Variants in CASZ1 observed in about 807,000 individuals in gnomAD.
CASZ1 encodes castor zinc finger 1.
A neutral mutation model predicts 135.2 loss-of-function variants in CASZ1; 28 were observed. That is an observed-to-expected ratio of 0.21 (90% CI 0.15 to 0.28). CASZ1 has a LOEUF of 0.28. Ranked by LOEUF, CASZ1 falls within the 10% of genes least tolerant of loss-of-function variation. The probability of loss-of-function intolerance (pLI) is 1.00; values close to 1 mark genes in which losing one functional copy is unlikely to be tolerated. For missense variants in CASZ1, 2,161 were observed against 2,453.3 expected, an observed-to-expected ratio of 0.88 and a Z score of 2.52; for synonymous variants, 1,068 against 1,073.4, an observed-to-expected ratio of 0.99 and a Z score of 0.10.
At chr1:10,787,416 A>G (rs1044326277) in intron 1 of CASZ1, among the ~76,000 whole-genome samples, 6 of 152,208 alleles carry the variant, frequency 3.9e-5, no homozygotes, top group African/African-American at 1.2e-4. Context: ...CTCCCCAAGG[A>G]TCAGATTTCC....
Position 10,741,598 on chromosome 1 carries a change from C to T in CASZ1, c.-77+19103G>A, listed in dbSNP as rs968605226. Reference sequence around the variant, plus strand: ...GTGCCAAACCCCTGGTTTTATTATCCGGGAGAAAAACAAACCCAACCACCG... The same window carrying T: ...GTGCCAAACCCCTGGTTTTATTATCTGGGAGAAAAACAAACCCAACCACCG... On this transcript the variant is annotated intron_variant, in intron 2 of 20. Transcript: ENST00000377022. This position sits in a 1 kb window ranked among gnomAD's most constrained non-coding sequence, Gnocchi z 5.0. 3.9e-5 allele frequency among the ~76,000 whole-genome samples: 6 copies of T among 151,956 alleles called. No individual in the cohort carries two copies. Among genetic ancestry groups the T allele is most frequent in the Admixed American group, 1.3e-4 (2 of 15,258 alleles).
rs1638855855 is a variant in CASZ1, at chr1:10,694,064, C to T, written c.-23-152G>A. Among the ~76,000 whole-genome samples the T allele has an allele frequency of 6.6e-6, 1 of 151,738 alleles. No homozygotes were observed. Among genetic ancestry groups the T allele is most frequent in the African/African-American group, 2.4e-5 (1 of 41,386 alleles). ...GAGGCCGCGGCGGAGAAACTTTCTC[C>T]TCCGCGCCGCCCGCTTCTCACGCTC... On this transcript the variant is annotated intron_variant, in intron 3 of 20. Transcript: ENST00000377022. The surrounding 1 kb of genome is among the most constrained non-coding windows in gnomAD (Gnocchi z 6.6).
chr1:10,712,376 GTAAAA>G (rs999351643), intron 2 of CASZ1, among the ~76,000 whole-genome samples: 12 of 151,960 alleles, frequency 7.9e-5, no homozygotes, highest in African/African-American at 2.7e-4. Flanking sequence ...ATAAAATAAA[GTAAAA>G]TAAAATAAAA....
intron 2 of CASZ1, among the ~76,000 whole-genome samples, chr1:10,743,970 C>T (rs1011375913): frequency 1.3e-5 from 2 of 152,050 alleles, no homozygotes; most frequent in Non-Finnish European, 2.9e-5. Context: ...CCTCAGGGGA[C>T]ACCCAACTAT....
chr1:10,794,036 C>G lies in CASZ1; in HGVS notation c.-234+2528G>C, dbSNP rs1485175195. 6.6e-6 allele frequency among the ~76,000 whole-genome samples: 1 copy of G among 152,168 alleles called. No individual in the cohort carries two copies. Among genetic ancestry groups the G allele is most frequent in the Non-Finnish European group, 1.5e-5 (1 of 68,012 alleles). ...CAGCGCCCCCTCCGGGCACGTGGAG[C>G]GCAGCCCCGGCTCAGCCCCCGGGGA... On this transcript the variant is annotated intron_variant, in intron 1 of 20. Transcript: ENST00000377022. This position sits in a 1 kb window ranked among gnomAD's most constrained non-coding sequence, Gnocchi z 5.6.
In CASZ1 at chr1:10,647,977, C is replaced by G. The variant is rs567007026; in HGVS notation, c.3321G>C (p.Pro1107=). The G allele has an allele frequency of 6.2e-7, 1 of 1,607,340 alleles. No homozygotes were observed. Among genetic ancestry groups the G allele is most frequent in the East Asian group, 2.2e-5 (1 of 44,750 alleles). The change falls in exon 16 of 21, where the codon CCG becomes CCC. Residue 1107 remains proline (P), a synonymous_variant. Transcript: ENST00000377022. This position sits in a 1 kb window ranked among gnomAD's most constrained non-coding sequence, Gnocchi z 4.9. ...GGGTGGGGGTGGAGGGCACGGAGGC[C>G]GGGCTGGGAGCGGGCCCCTCCAGAG... The part of the protein sequence containing the change: ...VSSLEGPAPS[P]ASVPSTPTLL...
chr1:10,732,678 TAA>T (rs920299764), intron 2 of CASZ1, among the ~76,000 whole-genome samples: 6 of 151,990 alleles, frequency 3.9e-5, no homozygotes, highest in African/African-American at 1.4e-4. Flanking sequence ...CTACAAGTAG[TAA>T]AAGAATCACC....
chr1:10,640,144 C>T, intron 20 of CASZ1, 85 bp from the exon 21 acceptor site: 6 of 1,517,702 alleles, frequency 4.0e-6, no homozygotes, highest in Non-Finnish European at 5.3e-6. Context: ...GACCCCTGAT[C>T]TGGCATGGCG....
intron 4 of CASZ1, among the ~76,000 whole-genome samples, chr1:10,686,858 G>A (rs1389173554): frequency 6.6e-6 from 1 of 152,152 alleles, no homozygotes; most frequent in Non-Finnish European, 1.5e-5. Context: ...TGACCACATT[G>A]CCCCACACCT....
chr1:10,694,422 C>A lies in CASZ1; in HGVS notation c.-23-510G>T. The A allele has an allele frequency of 1.7e-6, 1 of 594,220 alleles. No individual in the cohort carries two copies. Among genetic ancestry groups the A allele is most frequent in the Non-Finnish European group, 2.3e-6 (1 of 434,942 alleles). 36.8% of individuals were successfully genotyped at this position (594,220 alleles called of 1,614,324 possible). A position where few individuals can be genotyped will look rare whatever the true frequency, so the allele number is the denominator to read the frequency against. On this transcript the variant is annotated intron_variant, in intron 3 of 20. Transcript: ENST00000377022. This position sits in a 1 kb window ranked among gnomAD's most constrained non-coding sequence, Gnocchi z 6.6. ...GTTTTAAAGCCCTGATGTCATTGCTCCTGCCGGTAACACTCAGGGTAACAG... is the reference window on the plus strand; with the variant it reads ...GTTTTAAAGCCCTGATGTCATTGCTACTGCCGGTAACACTCAGGGTAACAG...
chr1:10,684,470 C>T (rs1403112811), intron 4 of CASZ1, among the ~76,000 whole-genome samples: 1 of 152,204 alleles, frequency 6.6e-6, no homozygotes, highest in Non-Finnish European at 1.5e-5. Flanking sequence ...GAGCCAGCTG[C>T]AAGTCCTCCT....
In CASZ1 at chr1:10,694,012, A is replaced by G. The variant is rs1339481187; in HGVS notation, c.-23-100T>C. On this transcript the variant is annotated intron_variant, in intron 3 of 20. Transcript: ENST00000377022. This position sits in a 1 kb window ranked among gnomAD's most constrained non-coding sequence, Gnocchi z 6.6. Reference sequence around the variant, plus strand: ...CCGCCCTGCTTGTCCCCCGCCCCGCAGGAGCGGCCCGTCCCGGGCGGGCGC... The same window carrying G: ...CCGCCCTGCTTGTCCCCCGCCCCGCGGGAGCGGCCCGTCCCGGGCGGGCGC... The G allele has an allele frequency of 4.2e-6, 5 of 1,180,630 alleles. No individual in the cohort carries two copies. The African/African-American group carries it at 6.5e-5, about 15-fold the overall frequency. 73.1% of individuals were successfully genotyped at this position (1,180,630 alleles called of 1,614,324 possible).
chr1:10,716,415 T>TGGATG (rs1396069161), intron 2 of CASZ1, among the ~76,000 whole-genome samples: 6 of 152,212 alleles, frequency 3.9e-5, no homozygotes, highest in Non-Finnish European at 7.3e-5. Context: ...CAGAGAGGCA[T>TGGATG]GGATGGGGAC....
Position 10,655,405 on chromosome 1 carries a change from T to C in CASZ1, c.1665+244A>G, listed in dbSNP as rs539169564. Among the ~76,000 whole-genome samples, 7 of 152,364 alleles carry C rather than the reference T, an allele frequency of 4.6e-5. No homozygotes were observed. In the South Asian group the frequency reaches 1.4e-3, roughly 32 times the overall value. The stretch of plus-strand genomic sequence containing the variant: ...TGTATAAACAGCTCACTGAATTTCA[T>C]CCACACCAAGTATGGCCATGGGGAA... On this transcript the variant is annotated intron_variant, in intron 9 of 20. Transcript: ENST00000377022.
chr1:10,793,452 AAAAC>A (rs1198519524), intron 1 of CASZ1, among the ~76,000 whole-genome samples: 1 of 152,202 alleles, frequency 6.6e-6, no homozygotes, highest in South Asian at 2.1e-4. Context: ...CAAAGTCTAA[AAAAC>A]AAACAAACAA....
rs1468923391 is a variant in CASZ1 at position 10,675,910 on chromosome 1, C to T, written c.17-10339G>A. Among the ~76,000 whole-genome samples the T allele has an allele frequency of 4.6e-5, 7 of 151,984 alleles. No homozygotes were observed. In the South Asian group the frequency reaches 6.2e-4, roughly 13 times the overall value. On this transcript the variant is annotated intron_variant, in intron 4 of 20. Transcript: ENST00000377022. ...AGGGAGCTGGCCTGGCAGGCCGGTCCGGGCCAGAGCTGCCTGGGATGGGCA... is the reference window on the plus strand; with the variant it reads ...AGGGAGCTGGCCTGGCAGGCCGGTCTGGGCCAGAGCTGCCTGGGATGGGCA...
intron 2 of CASZ1, among the ~76,000 whole-genome samples, chr1:10,743,640 T>C (rs1570548969): frequency 1.1e-5 from 1 of 89,686 alleles, no homozygotes; most frequent in African/African-American, 4.7e-5. Flanking sequence ...AGGGAGGGAG[T>C]AGGTCTTATG....
chr1:10,786,137 A>T (rs1640855574), intron 1 of CASZ1, among the ~76,000 whole-genome samples: 1 of 152,104 alleles, frequency 6.6e-6, no homozygotes, highest in Non-Finnish European at 1.5e-5. Flanking sequence ...GGCAGAGGCC[A>T]CTGGCGCCTT....
rs1234018955 is a variant in CASZ1 at position 10,727,164 on chromosome 1, A to AAGGGAGAGGTGGCCAGGGGT, written c.-76-21640_-76-21621dup. On this transcript the variant is annotated intron_variant, in intron 2 of 20. Transcript: ENST00000377022. The surrounding 1 kb of genome is among the most constrained non-coding windows in gnomAD (Gnocchi z 5.3). ...AACAGCCTGGAGAAGGAAGAGGGAA[A>AAGGGAGAGGTGGCCAGGGGT]AGGGAGAGGTGGCCAGGGGTAGGGA... Among the ~76,000 whole-genome samples, 6 of 151,992 alleles carry AAGGGAGAGGTGGCCAGGGGT rather than the reference A, an allele frequency of 3.9e-5. No individual in the cohort carries two copies. Among genetic ancestry groups the AAGGGAGAGGTGGCCAGGGGT allele is most frequent in the Non-Finnish European group, 8.8e-5 (6 of 67,974 alleles).
Sources: gnomAD v4.1 joint callset for allele counts (sites outside exome capture counted in the v4.1 genomes callset) on GRCh38, gnomAD v4.1.1 for gene constraint, Gnocchi (gnomAD v3.1) non-coding constraint, MANE v1.5 for transcripts, NCBI Gene and HGNC (gene_info 2026-07-23, HGNC 2026-07-21) for gene names.